Variants in DTNB observed in about 807,000 individuals in gnomAD.
DTNB encodes DTN-B.
DTNB carries 63 observed loss-of-function variants against 90.7 expected under a neutral mutation model. The ratio of observed to expected loss-of-function variants is 0.69; its 90% CI spans 0.57 to 0.86. The LOEUF is 0.86. DTNB is among the 40% of genes least tolerant of loss of function. DTNB has a pLI of 0.00. For synonymous variants in DTNB, 277 were observed against 286.7 expected (o/e 0.97, Z 0.34); for missense variants, 744 against 807.1 (o/e 0.92, Z 0.95).
intron 18 of DTNB, among the ~76,000 whole-genome samples, 162 bp from the exon 19 acceptor site, chr2:25,384,051 G>A (rs1295477860): frequency 3.9e-5 from 6 of 152,344 alleles, no homozygotes; most frequent in East Asian, 1.9e-4. Context: ...GCACTTGTGC[G>A]GCCCACGCCC....
At chr2:25,392,895 C>T (rs994954872) in intron 16 of DTNB, among the ~76,000 whole-genome samples, 2 of 152,096 alleles carry the variant, frequency 1.3e-5, no homozygotes, top group African/African-American at 2.4e-5. Context: ...AATCATTCTA[C>T]GAAGCCAGTA....
At chr2:25,585,442 TG>T (rs1472541403) in intron 6 of DTNB, among the ~76,000 whole-genome samples, 2 of 152,198 alleles carry the variant, frequency 1.3e-5, no homozygotes, top group African/African-American at 4.8e-5. Flanking sequence ...AGCGTTTGTT[TG>T]TTGCTCTTTG....
intron 11 of DTNB, among the ~76,000 whole-genome samples, chr2:25,453,930 G>A (rs571862673): frequency 3.3e-5 from 5 of 152,268 alleles, no homozygotes; most frequent in African/African-American, 7.2e-5. Flanking sequence ...GGCGGATCAC[G>A]AGGTCAGGAG....
chr2:25,509,931 AG>A (rs1344844575), intron 9 of DTNB, among the ~76,000 whole-genome samples: 10 of 151,586 alleles, frequency 6.6e-5, no homozygotes, highest in Non-Finnish European at 1.3e-4. Context: ...TTGTATTTTT[AG>A]TAGAGATGGG....
At chr2:25,623,284 A>G (rs1272034437) in intron 4 of DTNB, among the ~76,000 whole-genome samples, 2 of 152,238 alleles carry the variant, frequency 1.3e-5, no homozygotes, top group African/African-American at 4.8e-5. Flanking sequence ...GAGAGGCTGG[A>G]TGTCCAGGGA....
At chr2:25,534,320 G>A (rs1192292738) in intron 8 of DTNB, among the ~76,000 whole-genome samples, 1 of 152,036 alleles carries the variant, frequency 6.6e-6, no homozygotes, top group East Asian at 1.9e-4. Flanking sequence ...GGGGGTTGGG[G>A]GTAAGGTTAT....
chr2:25,448,846 A>G (rs2058817621), intron 12 of DTNB, among the ~76,000 whole-genome samples: 1 of 139,058 alleles, frequency 7.2e-6, no homozygotes, highest in African/African-American at 2.9e-5. Context: ...ACAGAGCAAG[A>G]TTCCATCTCA....
At chr2:25,408,641 A>C (rs2045880329) in intron 16 of DTNB, among the ~76,000 whole-genome samples, 1 of 151,804 alleles carries the variant, frequency 6.6e-6, no homozygotes, top group Non-Finnish European at 1.5e-5. Context: ...TTTAAACATC[A>C]GGGCATCTAT....
At chr2:25,625,236 T>A (rs2073854357) in intron 4 of DTNB, among the ~76,000 whole-genome samples, 1 of 152,190 alleles carries the variant, frequency 6.6e-6, no homozygotes, top group Non-Finnish European at 1.5e-5. Context: ...TGTCTATGTA[T>A]AAAAGGAACT....
intron 16 of DTNB, among the ~76,000 whole-genome samples, chr2:25,417,348 G>A (rs1183955040): frequency 2.0e-5 from 3 of 152,188 alleles, no homozygotes; most frequent in Non-Finnish European, 4.4e-5. Context: ...AAATGGACAC[G>A]TTATTTAATC....
chr2:25,622,272 C>A (rs557672536), intron 4 of DTNB, among the ~76,000 whole-genome samples: 2 of 152,194 alleles, frequency 1.3e-5, no homozygotes, highest in East Asian at 3.9e-4. Flanking sequence ...TCACTTGAGG[C>A]CAGGAGTTTG....
Position 25,515,868 on chromosome 2 carries a change from C to T in DTNB, c.1001+15605G>A, listed in dbSNP as rs1482113232. On this transcript the variant is annotated intron_variant, in intron 9 of 20. Coordinates refer to ENST00000406818, the MANE Select transcript of DTNB (RefSeq NM_021907.5). ...CTGGGATTACAGGCATGAGCCACTG[C>T]GCCTGGCTGCTTCATTTCTAAGATG... Among the ~76,000 whole-genome samples, 5 of 152,176 alleles carry T rather than the reference C, an allele frequency of 3.3e-5. 1 individual carries two copies. Among genetic ancestry groups the T allele is most frequent in the South Asian group, 4.2e-4 (2 of 4,814 alleles).
At chr2:25,666,554 A>C (rs994370225) in intron 1 of DTNB, among the ~76,000 whole-genome samples, 46 of 152,338 alleles carry the variant, frequency 3.0e-4, no homozygotes, top group African/African-American at 9.6e-4. Flanking sequence ...TTGAGAAAGG[A>C]GCTTGGCTAA....
chr2:25,430,578 A>T (rs549640889), intron 14 of DTNB, among the ~76,000 whole-genome samples: 30 of 152,338 alleles, frequency 2.0e-4, no homozygotes, highest in Admixed American at 2.0e-3. Context: ...ATATTAGTAT[A>T]ATATTTCTAT....
chr2:25,584,099 G>A (rs1442584758), intron 6 of DTNB, among the ~76,000 whole-genome samples: 2 of 152,158 alleles, frequency 1.3e-5, no homozygotes, highest in Non-Finnish European at 2.9e-5. Flanking sequence ...AGTGTCATCA[G>A]GGAACCCCTG....
intron 12 of DTNB, among the ~76,000 whole-genome samples, chr2:25,441,916 T>C (rs928798150): frequency 6.6e-6 from 1 of 152,216 alleles, no homozygotes; most frequent in Non-Finnish European, 1.5e-5. Flanking sequence ...ATCTGCATTC[T>C]GGCTAGGAAG....
chr2:25,453,233 T>C (rs1240000124), intron 11 of DTNB, among the ~76,000 whole-genome samples: 1 of 152,218 alleles, frequency 6.6e-6, no homozygotes. Flanking sequence ...GTTGATCCTA[T>C]TTGTCATTTA....
intron 8 of DTNB, among the ~76,000 whole-genome samples, chr2:25,546,964 A>C (rs2082559037): frequency 6.6e-6 from 1 of 151,824 alleles, no homozygotes; most frequent in African/African-American, 2.4e-5. Context: ...CTCCCACCTC[A>C]GCCTTCTGAG....
At chr2:25,421,659 G>A (rs1558453728) in intron 15 of DTNB, among the ~76,000 whole-genome samples, 1 of 152,324 alleles carries the variant, frequency 6.6e-6, no homozygotes, top group East Asian at 1.9e-4. Flanking sequence ...ATCCTAACAG[G>A]CTGAAATTGT....
Sources: allele counts gnomAD v4.1 joint callset (sites outside exome capture counted in the v4.1 genomes callset), GRCh38; gene constraint gnomAD v4.1.1; transcripts MANE v1.5; gene names NCBI Gene and HGNC (gene_info 2026-07-23, HGNC 2026-07-21).